Variants in KCNJ6 observed in about 807,000 individuals in gnomAD.
The protein encoded by KCNJ6 is potassium inwardly rectifying channel subfamily J member 6.
Under a neutral mutation model 34.2 loss-of-function variants are expected in KCNJ6, and 9 were observed. That is an observed-to-expected ratio of 0.26 (90% confidence interval 0.16 to 0.46). The LOEUF is 0.46. KCNJ6 is among the 20% of genes least tolerant of loss of function. KCNJ6 has a pLI of 1.00. For synonymous variants in KCNJ6, 196 were observed against 207.1 expected, an observed-to-expected ratio of 0.95 and a Z score of 0.46; for missense variants, 236 against 531.3, an observed-to-expected ratio of 0.44 and a Z score of 5.46.
At chr21:37,827,685 G>T (rs2055405451) in intron 2 of KCNJ6, among the ~76,000 whole-genome samples, 1 of 152,044 alleles carries the variant, frequency 6.6e-6, no homozygotes. Context: ...TTGTTTGAGT[G>T]CCTGATATGG....
intron 1 of KCNJ6, among the ~76,000 whole-genome samples, chr21:37,868,679 C>T (rs1428721957): frequency 6.6e-6 from 1 of 152,156 alleles, no homozygotes; most frequent in East Asian, 1.9e-4. Context: ...AACCTCAGAA[C>T]CCTGGAAATG....
At chr21:37,759,427 G>GT (rs1232781909) in intron 2 of KCNJ6, among the ~76,000 whole-genome samples, 1 of 152,192 alleles carries the variant, frequency 6.6e-6, no homozygotes, top group Non-Finnish European at 1.5e-5. Context: ...CTCCATCCCT[G>GT]TTACAGCAGC....
chr21:37,660,015 AAAGTCC>A (rs2054480931), intron 3 of KCNJ6, among the ~76,000 whole-genome samples: 1 of 152,236 alleles, frequency 6.6e-6, no homozygotes, highest in African/African-American at 2.4e-5. Flanking sequence ...AGAGGATGCC[AAAGTCC>A]AGAGAGCTGC....
intron 2 of KCNJ6, among the ~76,000 whole-genome samples, chr21:37,717,466 C>CTGGAGGT (rs1277032266): frequency 1.3e-5 from 2 of 151,880 alleles, no homozygotes; most frequent in African/African-American, 4.8e-5. Context: ...GTCCTTCTCA[C>CTGGAGGT]TGGAGGTGGG....
At chr21:37,792,058 A>G (rs2055219376) in intron 2 of KCNJ6, among the ~76,000 whole-genome samples, 1 of 152,248 alleles carries the variant, frequency 6.6e-6, no homozygotes, top group African/African-American at 2.4e-5. Context: ...TCAGCGGTCC[A>G]GTTGTAATGT....
chr21:37,745,091 T>G lies in KCNJ6; in HGVS notation c.26-29960A>C, dbSNP rs1177715951. Among the ~76,000 whole-genome samples, 358 of 76,760 alleles carry G rather than the reference T, an allele frequency of 4.7e-3. 10 individuals are homozygous for G. The highest frequency in any genetic ancestry group is 0.013 in the African/African-American group (337 of 26,750). The allele number at this position is 76,760 out of a possible 152,430, so 50.4% of individuals were successfully genotyped here. ...TTGCTGGTTTTTTTTTTTTTTTTTT[T>G]TTTTTTTTTTTTTTTTTTTGACAGA... On this transcript the variant is annotated intron_variant, in intron 2 of 3. Coordinates refer to ENST00000609713, the MANE Select transcript of KCNJ6 (RefSeq NM_002240.5).
chr21:37,672,100 T>G (rs2054544923), intron 3 of KCNJ6, among the ~76,000 whole-genome samples: 1 of 152,188 alleles, frequency 6.6e-6, no homozygotes, highest in Non-Finnish European at 1.5e-5. Flanking sequence ...ATTCTCTACC[T>G]GTAGTCTAGG....
chr21:37,793,573 AGT>A lies in KCNJ6; in HGVS notation c.25+47083_25+47084del, dbSNP rs1555844874. Reference sequence around the variant, plus strand: ...AAAAAAAAAAAAAAAAAAAAAAAAGAGTGAGAGCTATCAAGCCTCTAAGGCTC... The same window carrying A: ...AAAAAAAAAAAAAAAAAAAAAAAAGAGAGAGCTATCAAGCCTCTAAGGCTC... On this transcript the variant is annotated intron_variant, in intron 2 of 3. Coordinates refer to ENST00000609713, the MANE Select transcript of KCNJ6 (RefSeq NM_002240.5). Among the ~76,000 whole-genome samples the A allele has an allele frequency of 5.4e-4, 71 of 132,664 alleles. 1 individual carries two copies. The highest frequency in any genetic ancestry group is 7.1e-4 in the Non-Finnish European group (43 of 60,356). 87.0% of individuals were successfully genotyped at this position (132,664 alleles called of 152,430 possible). A position where few individuals can be genotyped will look rare whatever the true frequency, so the allele number is the denominator to read the frequency against.
intron 3 of KCNJ6, among the ~76,000 whole-genome samples, chr21:37,685,190 C>T (rs2054607717): frequency 6.6e-6 from 1 of 152,080 alleles, no homozygotes; most frequent in South Asian, 2.1e-4. Context: ...ACACGAATGA[C>T]ACCCGTTTTC....
At chr21:37,638,572 C>T (rs1252286096) in intron 3 of KCNJ6, among the ~76,000 whole-genome samples, 5 of 152,192 alleles carry the variant, frequency 3.3e-5, no homozygotes, top group African/African-American at 1.2e-4. Flanking sequence ...CAGCACCTGG[C>T]CACCATTTGT....
intron 1 of KCNJ6, among the ~76,000 whole-genome samples, chr21:37,901,983 A>G (rs1400165336): frequency 6.6e-6 from 1 of 152,214 alleles, no homozygotes; most frequent in Non-Finnish European, 1.5e-5. Flanking sequence ...AGAAAACCTG[A>G]TATAGAGAGA....
chr21:37,647,234 C>T (rs1422893204), intron 3 of KCNJ6, among the ~76,000 whole-genome samples: 1 of 152,082 alleles, frequency 6.6e-6, no homozygotes, highest in Admixed American at 6.5e-5. Flanking sequence ...TTAATTCTTA[C>T]TTTTTAGCTC....
At chr21:37,786,152 G>T (rs2055191609) in intron 2 of KCNJ6, among the ~76,000 whole-genome samples, 1 of 152,218 alleles carries the variant, frequency 6.6e-6, no homozygotes, top group Non-Finnish European at 1.5e-5. Flanking sequence ...GATGAAGTTG[G>T]TGTTGACACA....
chr21:37,742,725 T>C (rs932687580), intron 2 of KCNJ6, among the ~76,000 whole-genome samples: 32 of 152,210 alleles, frequency 2.1e-4, no homozygotes, highest in African/African-American at 7.0e-4. Context: ...AACATCCACT[T>C]CATTTCTCAC....
At chr21:37,818,684 CA>C (rs544272407) in intron 2 of KCNJ6, among the ~76,000 whole-genome samples, 17 of 152,204 alleles carry the variant, frequency 1.1e-4, no homozygotes, top group Non-Finnish European at 2.2e-4. Context: ...TATCTTGTTA[CA>C]ATGATACTTT....
chr21:37,903,743 C>CA lies in KCNJ6; in HGVS notation c.-28+12140dup, dbSNP rs541089164. ...AAATTAAAAACAAAACAAAACAAAA[C>CA]AAAAAAAAACGAAGAAGCAACTTGA... On this transcript the variant is annotated intron_variant, in intron 1 of 3. Transcript: ENST00000609713. Among the ~76,000 whole-genome samples the CA allele has an allele frequency of 1.6e-3, 168 of 107,458 alleles. 1 individual carries two copies. The highest frequency in any genetic ancestry group is 4.5e-3 in the African/African-American group (126 of 27,792). 70.5% of individuals were successfully genotyped at this position (107,458 alleles called of 152,430 possible).
At chr21:37,881,402 G>A (rs958597665) in intron 1 of KCNJ6, among the ~76,000 whole-genome samples, 2 of 152,082 alleles carry the variant, frequency 1.3e-5, no homozygotes, top group African/African-American at 4.8e-5. Context: ...CCTGGTAAGG[G>A]CTCCTTTCCT....
In KCNJ6 at chr21:37,735,305, G is replaced by A. The variant is rs990332750; in HGVS notation, c.26-20174C>T. Among the ~76,000 whole-genome samples, 9 of 152,302 alleles carry A rather than the reference G, an allele frequency of 5.9e-5. No individual in the cohort carries two copies. In the East Asian group the frequency reaches 7.7e-4, roughly 13 times the overall value. On this transcript the variant is annotated intron_variant, in intron 2 of 3. Transcript: ENST00000609713. ...AAAATAGAATCCTATCACCAGAAAC[G>A]GGGACAGCCTGAGGCTGGGATTACC...
chr21:37,803,493 A>T (rs560429349), intron 2 of KCNJ6, among the ~76,000 whole-genome samples: 1 of 152,208 alleles, frequency 6.6e-6, no homozygotes, highest in East Asian at 1.9e-4. Flanking sequence ...AGCATTTATC[A>T]TAATTCCTGA....
Sources: gnomAD v4.1 joint callset for allele counts (sites outside exome capture counted in the v4.1 genomes callset) on GRCh38, gnomAD v4.1.1 for gene constraint, MANE v1.5 for transcripts, NCBI Gene and HGNC (gene_info 2026-07-23, HGNC 2026-07-21) for gene names.